The following IQSEC1 variants were observed in gnomAD, a reference collection of about 807,000 sequenced individuals.
The protein encoded by IQSEC1 is IQ motif and SEC7 domain-containing protein 1.
Under a neutral mutation model 91.0 loss-of-function variants are expected in IQSEC1, and 31 were observed. The ratio of observed to expected loss-of-function variants is 0.34; its 90% CI spans 0.26 to 0.46. IQSEC1 has a LOEUF of 0.46. IQSEC1 is among the 20% of genes least tolerant of loss of function. IQSEC1 has a pLI of 1.00. For missense variants in IQSEC1, 1,388 were observed against 1,575.6 expected, an observed-to-expected ratio of 0.88 and a Z score of 2.02; for synonymous variants, 699 against 662.6, an observed-to-expected ratio of 1.05 and a Z score of -0.84.
intron 4 of IQSEC1, among the ~76,000 whole-genome samples, chr3:12,923,601 G>A (rs912043607): frequency 6.6e-6 from 1 of 152,194 alleles, no homozygotes; most frequent in Non-Finnish European, 1.5e-5. Context: ...GTGTGGGGAT[G>A]TGTGCCCAGG....
intron 1 of IQSEC1, among the ~76,000 whole-genome samples, chr3:13,063,972 T>A (rs765140099): frequency 2.0e-5 from 3 of 151,386 alleles, no homozygotes; most frequent in Non-Finnish European, 4.4e-5. Flanking sequence ...CTTTTTATTT[T>A]GAGATAATCG....
chr3:12,964,923 CTGTT>C (rs1388976497), intron 1 of IQSEC1, among the ~76,000 whole-genome samples: 1 of 152,228 alleles, frequency 6.6e-6, no homozygotes, highest in African/African-American at 2.4e-5. Flanking sequence ...AGTTGTCACA[CTGTT>C]TGACTATGCA....
At chr3:13,254,633 G>A (rs771321481) in intron 1 of IQSEC1, among the ~76,000 whole-genome samples, 3 of 152,206 alleles carry the variant, frequency 2.0e-5, no homozygotes, top group Non-Finnish European at 4.4e-5. Flanking sequence ...AGCCCAAACC[G>A]CAGGCAAACA....
intron 2 of IQSEC1, among the ~76,000 whole-genome samples, chr3:13,127,729 C>T (rs1000367225): frequency 1.3e-5 from 2 of 152,264 alleles, no homozygotes; most frequent in African/African-American, 2.4e-5. Flanking sequence ...AAGATCAACT[C>T]GGGGAGAAAT....
rs912137136 is a variant in IQSEC1 at position 13,150,127 on chromosome 3, C to T, written c.302+13977G>A. The stretch of plus-strand genomic sequence containing the variant: ...TGAATGATGAGACACTTTAGAGACA[C>T]GAGTGAAAAATGAGGAACAAATGGA... On this transcript the variant is annotated intron_variant, in intron 2 of 15. Coordinates refer to the IQSEC1 transcript ENST00000648114. Among the ~76,000 whole-genome samples, 5 of 152,132 alleles carry T rather than the reference C, an allele frequency of 3.3e-5. No homozygotes were observed. In the East Asian group the frequency reaches 9.6e-4, roughly 29 times the overall value.
chr3:13,083,246 G>T (rs1705676683), intron 2 of IQSEC1, among the ~76,000 whole-genome samples: 1 of 152,186 alleles, frequency 6.6e-6, no homozygotes. Flanking sequence ...TGCCTACCCT[G>T]TCTCCCATTA....
chr3:12,905,723 G>A (rs534808620), intron 12 of IQSEC1, among the ~76,000 whole-genome samples: 1 of 152,366 alleles, frequency 6.6e-6, no homozygotes, highest in Non-Finnish European at 1.5e-5. Context: ...ACCCACCACT[G>A]GTGCCTGTCA....
At chr3:13,105,492 T>A (rs1336885026) in intron 2 of IQSEC1, among the ~76,000 whole-genome samples, 1 of 151,992 alleles carries the variant, frequency 6.6e-6, no homozygotes, top group Non-Finnish European at 1.5e-5. Context: ...CCAAGAAAAA[T>A]CAGGGGCATG....
intron 2 of IQSEC1, among the ~76,000 whole-genome samples, chr3:13,147,507 T>C (rs972751042): frequency 5.3e-5 from 8 of 152,244 alleles, no homozygotes; most frequent in Non-Finnish European, 8.8e-5. Flanking sequence ...TCATTCCTTT[T>C]TATGGCTGAG....
chr3:13,161,794 A>T (rs1487322395), intron 2 of IQSEC1, among the ~76,000 whole-genome samples: 1 of 152,042 alleles, frequency 6.6e-6, no homozygotes. Context: ...TCCATCCGCG[A>T]TCTCCCTTGC....
chr3:12,989,228 C>A (rs1020062271), intron 1 of IQSEC1, among the ~76,000 whole-genome samples: 1 of 152,198 alleles, frequency 6.6e-6, no homozygotes, highest in Non-Finnish European at 1.5e-5. Flanking sequence ...CTCTTTTGCT[C>A]CAGTGGTAAC....
intron 12 of IQSEC1, among the ~76,000 whole-genome samples, chr3:12,905,084 C>T (rs1179131857): frequency 1.3e-5 from 2 of 152,230 alleles, no homozygotes; most frequent in Non-Finnish European, 2.9e-5. Flanking sequence ...CATAACTGCC[C>T]ACAGCCAGCC....
chr3:12,915,364 C>G (rs1259943388), intron 7 of IQSEC1, among the ~76,000 whole-genome samples: 1 of 152,230 alleles, frequency 6.6e-6, no homozygotes, highest in Non-Finnish European at 1.5e-5. Flanking sequence ...CAACCCTGGC[C>G]TGCTAGATCA....
intron 1 of IQSEC1, among the ~76,000 whole-genome samples, chr3:13,265,922 A>AG (rs1695482045): frequency 6.6e-6 from 1 of 150,890 alleles, no homozygotes; most frequent in East Asian, 1.9e-4. Context: ...ATTGCAAAAA[A>AG]AAAAAAAAAA....
Position 12,922,364 on chromosome 3 carries a change from T to C in IQSEC1, c.1731-122A>G. On this transcript the variant is annotated intron_variant, in intron 4 of 13. Transcript: ENST00000613206. The surrounding 1 kb of genome is among the most constrained non-coding windows in gnomAD (Gnocchi z 5.1). The stretch of plus-strand genomic sequence containing the variant: ...ACCGCCTCCTGGCAGGGAGAGCCCC[T>C]GCCTGACTCCGACCAATCAGCCAAG... The C allele has an allele frequency of 8.0e-7, 1 of 1,249,166 alleles. No individual in the cohort carries two copies. The highest frequency in any genetic ancestry group is 1.1e-6 in the Non-Finnish European group (1 of 938,666). The allele number at this position is 1,249,166 out of a possible 1,614,324, so 77.4% of individuals were successfully genotyped here.
rs984351072 is a variant in IQSEC1 at position 12,900,851 on chromosome 3, T to C, written c.*132A>G. The C allele has an allele frequency of 1.8e-5, 28 of 1,524,612 alleles. No homozygotes were observed. The highest frequency in any genetic ancestry group is 2.4e-5 in the Non-Finnish European group (27 of 1,141,434). The allele number at this position is 1,524,612 out of a possible 1,614,324, so 94.4% of individuals were successfully genotyped here. ...CCCTGTGGGCTCCTGGGGCTCCGGT[T>C]GGGCCGTGAGGGGCAGAGGGGAGAG... On this transcript the variant is annotated 3_prime_UTR_variant, in exon 14 of 14. Coordinates refer to ENST00000613206, the MANE Select transcript of IQSEC1 (RefSeq NM_001134382.3).
intron 1 of IQSEC1, among the ~76,000 whole-genome samples, chr3:13,203,290 G>A (rs1486592335): frequency 1.3e-5 from 2 of 152,156 alleles, no homozygotes; most frequent in Non-Finnish European, 2.9e-5. Context: ...CTGCAGCTGA[G>A]GCGTAGCAAG....
rs145928780 is a variant in IQSEC1, at chr3:13,098,373, C to T, written c.303-50851G>A. On this transcript the variant is annotated intron_variant, in intron 2 of 15. Coordinates refer to the IQSEC1 transcript ENST00000648114. ...CATTGGGAAGGTACCACAGAGGAGG[C>T]GCCATCTTAAGTGGGTTTTGAAGGA... is the stretch of plus-strand genomic sequence containing the variant. Among the ~76,000 whole-genome samples, 521 of 152,176 alleles carry T rather than the reference C, an allele frequency of 3.4e-3. 4 individuals are homozygous for T. Among genetic ancestry groups the T allele is most frequent in the African/African-American group, 0.012 (490 of 41,518 alleles).
chr3:13,156,127 G>T (rs552612312), intron 2 of IQSEC1, among the ~76,000 whole-genome samples: 60 of 151,860 alleles, frequency 4.0e-4, no homozygotes, highest in Non-Finnish European at 6.6e-4. Context: ...AGCTACTCAG[G>T]AGGCTGAGGC....
Sources: gnomAD v4.1 joint callset for allele counts (sites outside exome capture counted in the v4.1 genomes callset) on GRCh38, gnomAD v4.1.1 for gene constraint, Gnocchi (gnomAD v3.1) non-coding constraint, MANE v1.5 for transcripts, NCBI Gene and HGNC (gene_info 2026-07-23, HGNC 2026-07-21) for gene names.